The following NTM variants were observed in gnomAD, a reference collection of about 807,000 sequenced individuals.
NTM encodes neurotrimin, also known as IgLON family member 2.
In NTM, 13 loss-of-function variants were observed where a neutral mutation model predicts 42.1. The ratio of observed to expected loss-of-function variants is 0.31; its 90% CI spans 0.20 to 0.49. The LOEUF is 0.49. Ranked by LOEUF, NTM falls within the 20% of genes least tolerant of loss-of-function variation. The pLI is 0.99. For missense variants in NTM, 373 were observed against 452.8 expected, an observed-to-expected ratio of 0.82 and a Z score of 1.60; for synonymous variants, 187 against 179.2, an observed-to-expected ratio of 1.04 and a Z score of -0.35.
intron 1 of NTM, among the ~76,000 whole-genome samples, chr11:131,497,903 C>T (rs541294074): frequency 7.9e-5 from 12 of 152,268 alleles, no homozygotes; most frequent in Non-Finnish European, 1.3e-4. Context: ...CTACTCACCT[C>T]GCCACTCCGG....
intron 2 of NTM, among the ~76,000 whole-genome samples, chr11:131,936,329 C>T (rs1358387605): frequency 2.0e-5 from 3 of 152,182 alleles, no homozygotes; most frequent in African/African-American, 7.2e-5. Flanking sequence ...CTGTAAGACA[C>T]ATGTCTTTTG....
chr11:131,730,766 C>T (rs559503275), intron 1 of NTM, among the ~76,000 whole-genome samples: 1 of 141,942 alleles, frequency 7.0e-6, no homozygotes, highest in African/African-American at 2.6e-5. Context: ...AGGGAATCTA[C>T]AAAAGTCAGG....
chr11:131,904,901 T>C (rs1463288165), intron 1 of NTM, among the ~76,000 whole-genome samples: 1 of 152,168 alleles, frequency 6.6e-6, no homozygotes, highest in African/African-American at 2.4e-5. Flanking sequence ...GCTGTGCTAC[T>C]TCCTCTCTGA....
chr11:132,040,860 C>T (rs1254880819), intron 2 of NTM, among the ~76,000 whole-genome samples: 1 of 152,170 alleles, frequency 6.6e-6, no homozygotes, highest in Admixed American at 6.5e-5. Context: ...CATCAGTTCA[C>T]CACTAGCTAG....
At chr11:132,055,194 AC>A (rs1225467330) in intron 2 of NTM, among the ~76,000 whole-genome samples, 1 of 152,160 alleles carries the variant, frequency 6.6e-6, no homozygotes, top group Non-Finnish European at 1.5e-5. Context: ...TCACTTGAAC[AC>A]CTTTTATTGG....
chr11:132,000,505 A>G (rs901236676), intron 2 of NTM, among the ~76,000 whole-genome samples: 18 of 152,162 alleles, frequency 1.2e-4, no homozygotes, highest in African/African-American at 3.9e-4. Flanking sequence ...TATGACTTCA[A>G]TGTGCAAAGC....
chr11:132,074,104 C>T (rs998593994), intron 2 of NTM, among the ~76,000 whole-genome samples: 2 of 152,180 alleles, frequency 1.3e-5, no homozygotes, highest in Non-Finnish European at 2.9e-5. Flanking sequence ...TTCAGTAGGC[C>T]ACCAGATAAT....
At chr11:132,045,284 G>A (rs896711657) in intron 2 of NTM, among the ~76,000 whole-genome samples, 5 of 152,146 alleles carry the variant, frequency 3.3e-5, no homozygotes, top group African/African-American at 1.2e-4. Flanking sequence ...AAAGGAAGTA[G>A]AATAAAAGAT....
At chr11:131,628,064 G>A (rs1439805420) in intron 1 of NTM, among the ~76,000 whole-genome samples, 2 of 152,184 alleles carry the variant, frequency 1.3e-5, no homozygotes, top group Non-Finnish European at 2.9e-5. Context: ...CAAAGACAAT[G>A]TGGACTATTC....
intron 2 of NTM, among the ~76,000 whole-genome samples, chr11:132,087,342 C>T (rs1219911225): frequency 1.3e-5 from 2 of 152,184 alleles, no homozygotes; most frequent in Non-Finnish European, 2.9e-5. Context: ...TGACCTTTAT[C>T]CATGAAACAG....
chr11:132,302,578 A>G (rs2094906407), intron 4 of NTM, among the ~76,000 whole-genome samples: 1 of 152,108 alleles, frequency 6.6e-6, no homozygotes, highest in Non-Finnish European at 1.5e-5. Flanking sequence ...TGTCAGCCAG[A>G]AGTTAGTCAA....
chr11:131,488,878 C>T (rs1954472317), intron 1 of NTM, among the ~76,000 whole-genome samples: 2 of 152,148 alleles, frequency 1.3e-5, no homozygotes, highest in South Asian at 2.1e-4. Context: ...AATGCTAATA[C>T]AAGCGCAGGA....
Position 132,281,635 on chromosome 11 carries a change from T to C in NTM, c.527-26054T>C, listed in dbSNP as rs974488637. On this transcript the variant is annotated intron_variant, in intron 4 of 8. Coordinates refer to ENST00000683400, the MANE Select transcript of NTM (RefSeq NM_001352005.2). ...GAAGTCTGATGCCCAGAAATTGTCC[T>C]TGAAGCTTGATTCCAAAGCACAATA... 2.6e-5 allele frequency among the ~76,000 whole-genome samples: 4 copies of C among 152,334 alleles called. 1 individual carries two copies. The highest frequency in any genetic ancestry group is 6.8e-3 in the Middle Eastern group (2 of 294).
chr11:131,852,241 A>C (rs572604933), intron 1 of NTM, among the ~76,000 whole-genome samples: 5 of 152,122 alleles, frequency 3.3e-5, no homozygotes, highest in Non-Finnish European at 7.4e-5. Flanking sequence ...GGACAGACAG[A>C]TGATCTATGG....
intron 1 of NTM, chr11:131,794,417 C>T (rs551995971): frequency 4.9e-5 from 45 of 910,994 alleles, no homozygotes; most frequent in African/African-American, 3.6e-4. Context: ...CTACATGCTC[C>T]GTAGTTTCTG....
At chr11:132,035,791 G>A (rs1251070105) in intron 2 of NTM, among the ~76,000 whole-genome samples, 7 of 152,100 alleles carry the variant, frequency 4.6e-5, no homozygotes, top group Non-Finnish European at 1.0e-4. Context: ...CTGGGTAATG[G>A]ATGTCTTGCT....
chr11:131,780,133 A>G (rs988542681), intron 1 of NTM, among the ~76,000 whole-genome samples: 2 of 152,258 alleles, frequency 1.3e-5, no homozygotes, highest in Non-Finnish European at 2.9e-5. Flanking sequence ...GGATAACAAC[A>G]TAGCCAAATC....
At chr11:131,592,647 AAC>A (rs3040142) in intron 1 of NTM, among the ~76,000 whole-genome samples, 17,872 of 140,508 alleles carry the variant, frequency 0.13, 1,156 homozygotes, top group South Asian at 0.25. Context: ...ACACACCCCA[AAC>A]ACACACACAC....
chr11:131,986,728 G>C (rs190484045), intron 2 of NTM, among the ~76,000 whole-genome samples: 6 of 152,212 alleles, frequency 3.9e-5, no homozygotes, highest in Non-Finnish European at 8.8e-5. Context: ...ACCTCCATGA[G>C]GGCCAGAGAT....
Sources: gnomAD v4.1 joint callset for allele counts (sites outside exome capture counted in the v4.1 genomes callset) on GRCh38, gnomAD v4.1.1 for gene constraint, MANE v1.5 for transcripts, NCBI Gene and HGNC (gene_info 2026-07-23, HGNC 2026-07-21) for gene names.